The following L1TD1 variants were observed in gnomAD, a reference collection of about 807,000 sequenced individuals.
L1TD1 encodes LINE1 type transposase domain containing 1.
Under a neutral mutation model 25.7 loss-of-function variants are expected in L1TD1, and 26 were observed. The ratio of observed to expected loss-of-function variants is 1.01; its 90% CI spans 0.74 to 1.40. The LOEUF is 1.40. L1TD1 is among the 40% of genes most tolerant of loss of function. L1TD1 has a pLI of 0.00. For synonymous variants in L1TD1, 421 were observed against 335.6 expected (o/e 1.25, Z -2.78); for missense variants, 1,130 against 975.0 (o/e 1.16, Z -2.12).
Position 62,207,288 on chromosome 1 carries a change from G to T in L1TD1, c.660G>T (p.Leu220Phe), listed in dbSNP as rs911368821. The T allele has an allele frequency of 1.9e-6, 3 of 1,550,882 alleles. No individual in the cohort carries two copies. Among genetic ancestry groups the T allele is most frequent in the Admixed American group, 2.0e-5 (1 of 50,814 alleles). The change falls in exon 3 of 4, where the codon TTG becomes TTT. Residue 220 changes from leucine (L) to phenylalanine (F), a missense_variant. Physicochemically the swap from Leu to Phe is conservative, Grantham distance 22 (BLOSUM62 0). Coordinates refer to ENST00000498273, the MANE Select transcript of L1TD1 (RefSeq NM_019079.5). ...EMREERKFQK[L>F]KNKEEVLKAS... Reference sequence around the variant, plus strand: ...GAGAGGAAAGAAAATTTCAGAAATTGAAGAATAAAGAGGAGGTTTTAAAAG... The same window carrying T: ...GAGAGGAAAGAAAATTTCAGAAATTTAAGAATAAAGAGGAGGTTTTAAAAG...
Position 62,206,678 on chromosome 1 carries a change from A to C in L1TD1, c.50A>C (p.Lys17Thr). Residue 17 changes from lysine (K) to threonine (T), a missense_variant, in exon 3 of 4, where the codon AAG becomes ACG. Coordinates refer to ENST00000498273, the MANE Select transcript of L1TD1 (RefSeq NM_019079.5). ...CAATCAAAATTTGCTAGACTTGCAA[A>C]GAAAAAGGAAAATATCACCTATATG... Reference protein sequence around the residue: ...SVQSKFARLAKKKENITYMKR... With the variant: ...SVQSKFARLATKKENITYMKR... The C allele has an allele frequency of 1.3e-6, 2 of 1,547,854 alleles. No individual in the cohort carries two copies. Among genetic ancestry groups the C allele is most frequent in the Non-Finnish European group, 1.7e-6 (2 of 1,145,966 alleles).
rs765706497 is a variant in L1TD1 at position 62,210,377 on chromosome 1, G to A, written c.1603G>A (p.Glu535Lys). The A allele has an allele frequency of 1.9e-6, 3 of 1,613,908 alleles. No individual in the cohort carries two copies. The highest frequency in any genetic ancestry group is 1.3e-5 in the African/African-American group (1 of 75,024). Residue 535 changes from glutamate to lysine, a missense_variant, in exon 4 of 4, where the codon GAA becomes AAA. Coordinates refer to ENST00000498273, the MANE Select transcript of L1TD1 (RefSeq NM_019079.5). ...KHQVVHKTQE[E>K]EETAVPTSQG... is the part of the protein sequence containing the mutation. ...CCAGGTGGTGCACAAAACCCAGGAGGAAGAGGAAACAGCTGTGCCCACAAG... is the reference window on the plus strand; with the variant it reads ...CCAGGTGGTGCACAAAACCCAGGAGAAAGAGGAAACAGCTGTGCCCACAAG...
At chr1:62,197,397 T>TATATATATATATATATA (rs1670562305) in intron 2 of L1TD1, among the ~76,000 whole-genome samples, 1 of 80,858 alleles carries the variant, frequency 1.2e-5, no homozygotes, top group Non-Finnish European at 2.6e-5. Context: ...AAAAAATAAA[T>TATATATATATATATATA]TATATATATA....
At chr1:62,205,443 A>ATATATATATTTTTTTTTTTT (rs1553122597) in intron 2 of L1TD1, among the ~76,000 whole-genome samples, 2 of 63,640 alleles carry the variant, frequency 3.1e-5, no homozygotes, top group African/African-American at 1.1e-4. Context: ...ATATATATAT[A>ATATATATATTTTTTTTTTTT]TTTTTTTTTA....
At chr1:62,205,389 TTCTCTCTC>T (rs1194912722) in intron 2 of L1TD1, among the ~76,000 whole-genome samples, 12 of 60,302 alleles carry the variant, frequency 2.0e-4, no homozygotes, top group Non-Finnish European at 2.4e-4. Flanking sequence ...CTCTCTCTCT[TTCTCTCTC>T]TCTCTCTCTC....
At chr1:62,203,987 A>C (rs1369185797) in intron 2 of L1TD1, among the ~76,000 whole-genome samples, 1 of 152,134 alleles carries the variant, frequency 6.6e-6, no homozygotes, top group Non-Finnish European at 1.5e-5. Context: ...TGGCCTCCCA[A>C]GGTGCTGGGA....
chr1:62,203,610 G>A (rs537585292), intron 2 of L1TD1, among the ~76,000 whole-genome samples: 107 of 151,952 alleles, frequency 7.0e-4, no homozygotes, highest in African/African-American at 2.4e-3. Flanking sequence ...ACGGAGTCTC[G>A]CTCTGACGCT....
At chr1:62,195,772 C>T (rs12725684) in intron 1 of L1TD1, among the ~76,000 whole-genome samples, 29,754 of 151,644 alleles carry the variant, frequency 0.2, 3,412 homozygotes, top group Middle Eastern at 0.3. Context: ...GATGGAGGGC[C>T]GGGCGTGTTA....
rs1670888489 is a variant in L1TD1, at chr1:62,212,080, CAGAAAAGCACG to C, written c.*709_*719del. On this transcript the variant is annotated 3_prime_UTR_variant, in exon 4 of 4. Coordinates refer to ENST00000498273, the MANE Select transcript of L1TD1 (RefSeq NM_019079.5). ...GTAGGAAAACAGGAGGGGACAGTAACAGAAAAGCACGGGAAAAGATGGCAAGGTTAGTTAAA... is the reference window on the plus strand; with the variant it reads ...GTAGGAAAACAGGAGGGGACAGTAACGGAAAAGATGGCAAGGTTAGTTAAA... The C allele has an allele frequency of 6.6e-6, 1 of 152,122 alleles. No homozygotes were observed. Among genetic ancestry groups the C allele is most frequent in the Non-Finnish European group, 1.5e-5 (1 of 68,076 alleles). 9.4% of individuals were successfully genotyped at this position (152,122 alleles called of 1,614,324 possible). A position where few individuals can be genotyped will look rare whatever the true frequency, so the allele number is the denominator to read the frequency against.
At chr1:62,201,710 A>G (rs1261535663) in intron 2 of L1TD1, among the ~76,000 whole-genome samples, 1 of 152,152 alleles carries the variant, frequency 6.6e-6, no homozygotes, top group Non-Finnish European at 1.5e-5. Flanking sequence ...TTTCTTAACT[A>G]AATACAGTAT....
intron 2 of L1TD1, among the ~76,000 whole-genome samples, chr1:62,199,117 C>G (rs1670596067): frequency 6.6e-6 from 1 of 152,156 alleles, no homozygotes; most frequent in South Asian, 2.1e-4. Context: ...TGGGTAGTGT[C>G]TGGCTAGAAT....
chr1:62,202,222 C>CCTGGGA (rs1422299204), intron 2 of L1TD1, among the ~76,000 whole-genome samples: 3 of 152,000 alleles, frequency 2.0e-5, no homozygotes, highest in African/African-American at 7.3e-5. Flanking sequence ...ATCGCTTGAA[C>CCTGGGA]CTGGGAGGTG....
In L1TD1 at chr1:62,206,559, C is replaced by T. The variant is rs1670748554; in HGVS notation, c.-70C>T. The T allele has an allele frequency of 4.4e-6, 6 of 1,351,368 alleles. No individual in the cohort carries two copies. Among genetic ancestry groups the T allele is most frequent in the African/African-American group, 2.9e-5 (2 of 67,824 alleles). 83.7% of individuals were successfully genotyped at this position (1,351,368 alleles called of 1,614,324 possible). A position where few individuals can be genotyped will look rare whatever the true frequency, so the allele number is the denominator to read the frequency against. On this transcript the variant is annotated 5_prime_UTR_variant, in exon 3 of 4. Coordinates refer to ENST00000498273, the MANE Select transcript of L1TD1 (RefSeq NM_019079.5). ...GATTTTTTTAACTTCTGAAGTCTAG[C>T]AGGCCTGTAAGAACAAAAATCATTC...
chr1:62,196,921 G>T (rs991700483), intron 2 of L1TD1, among the ~76,000 whole-genome samples: 3 of 151,882 alleles, frequency 2.0e-5, no homozygotes, highest in African/African-American at 7.3e-5. Context: ...GTGAAACAAG[G>T]GAAATGACCT....
chr1:62,207,719 T>A, intron 3 of L1TD1, 83 bp downstream of exon 3: 1 of 1,416,588 alleles, frequency 7.1e-7, no homozygotes, highest in Non-Finnish European at 9.3e-7. Flanking sequence ...TAAATCAATT[T>A]TTTTTTTCTT....
At chr1:62,200,129 AGAG>A (rs1670613638) in intron 2 of L1TD1, among the ~76,000 whole-genome samples, 1 of 152,148 alleles carries the variant, frequency 6.6e-6, no homozygotes, top group Non-Finnish European at 1.5e-5. Context: ...TGCACCATAT[AGAG>A]TATATATATC....
At chr1:62,199,474 A>G (rs1670602582) in intron 2 of L1TD1, among the ~76,000 whole-genome samples, 1 of 150,564 alleles carries the variant, frequency 6.6e-6, no homozygotes, top group South Asian at 2.1e-4. Flanking sequence ...CTCCAGCCTA[A>G]TCCACAGAGT....
At chr1:62,208,919 TAAG>T (rs1281949340) in intron 3 of L1TD1, among the ~76,000 whole-genome samples, 2 of 152,206 alleles carry the variant, frequency 1.3e-5, no homozygotes, top group South Asian at 4.1e-4. Context: ...ACAAATTATT[TAAG>T]AATCAGTATT....
chr1:62,210,970 A>G lies in L1TD1; in HGVS notation c.2196A>G (p.Leu732=), dbSNP rs776859079. Residue 732 remains leucine, a synonymous_variant, in exon 4 of 4, where the codon CTA becomes CTG. Coordinates refer to ENST00000498273, the MANE Select transcript of L1TD1 (RefSeq NM_019079.5). ...TAATTGATGAAAACTTTGCAGAACT[A>G]AAGAAAGGTTCAAGTCTTGAGATTG... ...KEIIDENFAE[L]KKGSSLEIVS... 2.6e-6 allele frequency: 4 copies of G among 1,545,558 alleles called. No individual in the cohort carries two copies. The East Asian group carries it at 9.8e-5, about 38-fold the overall frequency.
Sources: gnomAD v4.1 joint callset for allele counts (sites outside exome capture counted in the v4.1 genomes callset) on GRCh38, gnomAD v4.1.1 for gene constraint, MANE v1.5 for transcripts, NCBI Gene and HGNC (gene_info 2026-07-23, HGNC 2026-07-21) for gene names.